Variants in CSMD1 observed in about 807,000 individuals in gnomAD.
CSMD1 encodes the protein CUB and sushi domain-containing protein 1.
Under a neutral mutation model 417.5 loss-of-function variants are expected in CSMD1, and 213 were observed. That is an observed-to-expected ratio of 0.51 (90% confidence interval 0.46 to 0.57). CSMD1 has a LOEUF of 0.57. CSMD1 is among the 20% of genes least tolerant of loss of function. The pLI is 0.00. For synonymous variants in CSMD1, 2,862 were observed against 1,736.8 expected (o/e 1.65, Z -16.11); for missense variants, 6,923 against 4,529.7 (o/e 1.53, Z -15.17).
In CSMD1 at chr8:3,197,583, A is replaced by G. The variant is rs1211227881; in HGVS notation, c.5194+2131T>C. On this transcript the variant is annotated intron_variant, in intron 33 of 69. Transcript: ENST00000635120. ...CGGGTTCACGCCATTCTCCTGCCTC[A>G]GCCTCCCGAGTAGCTGGGACTACAG... Among the ~76,000 whole-genome samples the G allele has an allele frequency of 2.0e-5, 3 of 149,692 alleles. No individual in the cohort carries two copies. The East Asian group carries it at 5.9e-4, about 30-fold the overall frequency.
intron 2 of CSMD1, among the ~76,000 whole-genome samples, chr8:4,611,242 G>C (rs181881051): frequency 6.6e-6 from 1 of 152,050 alleles, no homozygotes; most frequent in African/African-American, 2.4e-5. Flanking sequence ...GGTACTATTC[G>C]TCAATTTACT....
intron 7 of CSMD1, among the ~76,000 whole-genome samples, chr8:3,693,797 C>CGT (rs756217508): frequency 4.0e-5 from 6 of 149,196 alleles, no homozygotes; most frequent in South Asian, 2.1e-4. Flanking sequence ...GTGTTGGCGT[C>CGT]GTGTGTGTGT....
chr8:4,085,786 T>A lies in CSMD1; in HGVS notation c.416-53687A>T, dbSNP rs536035653. On this transcript the variant is annotated intron_variant, in intron 3 of 69. Coordinates refer to ENST00000635120, the MANE Select transcript of CSMD1 (RefSeq NM_033225.6). ...TTCCAGAAGTTAAAGGAAGTAAATA[T>A]GTTTATCATAAAGACACCATGAAGC... Among the ~76,000 whole-genome samples the A allele has an allele frequency of 6.8e-4, 104 of 152,268 alleles. 1 individual carries two copies. The highest frequency in any genetic ancestry group is 2.4e-3 in the African/African-American group (99 of 41,550).
intron 1 of CSMD1, among the ~76,000 whole-genome samples, chr8:4,952,107 G>T (rs1176453051): frequency 2.6e-5 from 4 of 151,656 alleles, no homozygotes; most frequent in Non-Finnish European, 4.4e-5. Context: ...AAATAGATCT[G>T]AATAGTCTTA....
At chr8:4,566,086 A>G (rs2130633783) in intron 2 of CSMD1, among the ~76,000 whole-genome samples, 1 of 152,152 alleles carries the variant, frequency 6.6e-6, no homozygotes, top group Admixed American at 6.5e-5. Flanking sequence ...TTCTTCCTCA[A>G]TGCAGTTATC....
intron 7 of CSMD1, among the ~76,000 whole-genome samples, chr8:3,692,135 T>C (rs1563277984): frequency 6.6e-6 from 1 of 152,186 alleles, no homozygotes; most frequent in Non-Finnish European, 1.5e-5. Context: ...CATCCGGGTC[T>C]CCTATCCCAG....
At chr8:3,651,479 C>T (rs1490992513) in intron 7 of CSMD1, among the ~76,000 whole-genome samples, 4 of 152,114 alleles carry the variant, frequency 2.6e-5, no homozygotes, top group Non-Finnish European at 4.4e-5. Flanking sequence ...CTTTCTAGAA[C>T]ACTCTTCCTC....
chr8:4,773,323 G>C (rs971679522), intron 1 of CSMD1, among the ~76,000 whole-genome samples: 1 of 152,094 alleles, frequency 6.6e-6, no homozygotes, highest in Non-Finnish European at 1.5e-5. Context: ...TTGCAGTTCT[G>C]CCTTCTAAGC....
chr8:3,488,306 T>C (rs1296291419), intron 11 of CSMD1, among the ~76,000 whole-genome samples: 3 of 152,002 alleles, frequency 2.0e-5, no homozygotes, highest in South Asian at 2.1e-4. Flanking sequence ...CGGAGTTTCA[T>C]CCTGTTGCCC....
At chr8:4,756,542 G>A (rs1475894362) in intron 1 of CSMD1, among the ~76,000 whole-genome samples, 2 of 152,150 alleles carry the variant, frequency 1.3e-5, no homozygotes, top group African/African-American at 2.4e-5. Context: ...CTACTCCAAC[G>A]AGGTATGTAT....
intron 5 of CSMD1, among the ~76,000 whole-genome samples, chr8:3,803,914 A>G (rs1274631738): frequency 6.6e-6 from 1 of 152,080 alleles, no homozygotes; most frequent in Admixed American, 6.5e-5. Flanking sequence ...AGAGAAGGTT[A>G]AGAGACAAAG....
chr8:4,824,367 G>C (rs772896219), intron 1 of CSMD1, among the ~76,000 whole-genome samples: 18 of 152,048 alleles, frequency 1.2e-4, no homozygotes, highest in Non-Finnish European at 2.4e-4. Flanking sequence ...ATGATATGCA[G>C]AGTTTTAATT....
chr8:4,241,324 C>T (rs750625679), intron 3 of CSMD1, among the ~76,000 whole-genome samples: 12 of 152,336 alleles, frequency 7.9e-5, no homozygotes, highest in African/African-American at 2.6e-4. Flanking sequence ...ACATATTTCA[C>T]GCCTTTGCCT....
At chr8:4,040,093 G>A (rs1016225544) in intron 3 of CSMD1, among the ~76,000 whole-genome samples, 1 of 152,292 alleles carries the variant, frequency 6.6e-6, no homozygotes, top group Admixed American at 6.5e-5. Context: ...AGTATACAGA[G>A]ATTTTAACAT....
At chr8:2,981,744 G>C (rs1181719752) in intron 54 of CSMD1, among the ~76,000 whole-genome samples, 1 of 152,162 alleles carries the variant, frequency 6.6e-6, no homozygotes, top group African/African-American at 2.4e-5. Flanking sequence ...GGCGAAAGCT[G>C]GGTATGTGGA....
At chr8:4,096,852 T>A (rs73173817) in intron 3 of CSMD1, among the ~76,000 whole-genome samples, 2 of 152,160 alleles carry the variant, frequency 1.3e-5, no homozygotes, top group African/African-American at 2.4e-5. Flanking sequence ...GTGTCTCAGG[T>A]AAAGGATTCC....
intron 41 of CSMD1, among the ~76,000 whole-genome samples, chr8:3,130,569 G>A (rs1278939305): frequency 6.6e-6 from 1 of 151,978 alleles, no homozygotes; most frequent in African/African-American, 2.4e-5. Flanking sequence ...AAATCCCCAG[G>A]CCCCCTGACC....
chr8:4,184,999 C>T lies in CSMD1; in HGVS notation c.416-152900G>A, dbSNP rs1208154136. 2.6e-5 allele frequency among the ~76,000 whole-genome samples: 4 copies of T among 151,722 alleles called. No homozygotes were observed. In the East Asian group the frequency reaches 7.8e-4, roughly 30 times the overall value. On this transcript the variant is annotated intron_variant, in intron 3 of 69. Transcript: ENST00000635120. ...TTAAAAAATACAAAAATTAGCTGGG[C>T]CTGGTGGTGGGTGCCTTTAATCCCA...
intron 7 of CSMD1, among the ~76,000 whole-genome samples, chr8:3,653,974 G>C (rs1797982515): frequency 6.6e-6 from 1 of 152,146 alleles, no homozygotes; most frequent in Non-Finnish European, 1.5e-5. Context: ...TTGTCACATA[G>C]AAAATGTGAT....
Sources: allele counts gnomAD v4.1 joint callset (sites outside exome capture counted in the v4.1 genomes callset), GRCh38; gene constraint gnomAD v4.1.1; transcripts MANE v1.5; gene names NCBI Gene and HGNC (gene_info 2026-07-23, HGNC 2026-07-21).